FHAD1: variants seen among roughly 807,000 people sequenced by gnomAD.
FHAD1 encodes the protein forkhead associated phosphopeptide binding domain 1.
FHAD1 carries 146 observed loss-of-function variants against 191.3 expected under a neutral mutation model. The observed-to-expected ratio is 0.76, with a 90% confidence interval of 0.67 to 0.88. The LOEUF (loss-of-function observed/expected upper bound fraction) is 0.88. FHAD1 is among the 40% of genes least tolerant of loss of function. The probability of loss-of-function intolerance (pLI) is 0.00; values close to 1 mark genes in which losing one functional copy is unlikely to be tolerated. For missense variants in FHAD1, 1,635 were observed against 1,785.8 expected (o/e 0.92, Z 1.52); for synonymous variants, 616 against 672.3 (o/e 0.92, Z 1.29).
At chr1:15,268,346 T>C (rs1463564237) in intron 2 of FHAD1, among the ~76,000 whole-genome samples, 1 of 151,850 alleles carries the variant, frequency 6.6e-6, no homozygotes, top group Non-Finnish European at 1.5e-5. Flanking sequence ...TATGGCTGCA[T>C]AGTATTCAAT....
Position 15,290,774 on chromosome 1 carries a change from T to C in FHAD1, c.568+1108T>C, listed in dbSNP as rs1355337795. 2.0e-5 allele frequency among the ~76,000 whole-genome samples: 3 copies of C among 151,664 alleles called. No homozygotes were observed. In the East Asian group the frequency reaches 5.8e-4, roughly 29 times the overall value. ...TGGCAGGATTTCGGCAGTGGTGCCA[T>C]CTCAGCGCACTGCAAGCTCCGCCTT... On this transcript the variant is annotated intron_variant, in intron 4 of 33. Coordinates refer to ENST00000688493, the MANE Select transcript of FHAD1 (RefSeq NM_001391957.1).
At chr1:15,373,831 G>A (rs1352035867) in intron 26 of FHAD1, among the ~76,000 whole-genome samples, 1 of 152,180 alleles carries the variant, frequency 6.6e-6, no homozygotes, top group Non-Finnish European at 1.5e-5. Context: ...GGGCAACAGA[G>A]CAAGACCCAA....
chr1:15,275,831 C>T (rs1339049559), intron 3 of FHAD1, among the ~76,000 whole-genome samples: 1 of 152,002 alleles, frequency 6.6e-6, no homozygotes, highest in Non-Finnish European at 1.5e-5. Context: ...TGTGTCTTCC[C>T]CGCGGTAGAG....
chr1:15,391,168 GA>G (rs1488693779), intron 32 of FHAD1, 41 bp from the exon 33 acceptor site: 3 of 1,120,132 alleles, frequency 2.7e-6, no homozygotes, highest in Non-Finnish European at 3.5e-6. Flanking sequence ...AGGCAAAGAG[GA>G]ATCTAAGCTA....
chr1:15,321,630 C>A (rs1676295326), intron 10 of FHAD1, among the ~76,000 whole-genome samples: 1 of 152,176 alleles, frequency 6.6e-6, no homozygotes, highest in Non-Finnish European at 1.5e-5. Context: ...TATGTGTTTT[C>A]TACATTTCTG....
At chr1:15,382,441 A>G (rs887033409) in intron 31 of FHAD1, among the ~76,000 whole-genome samples, 1 of 152,066 alleles carries the variant, frequency 6.6e-6, no homozygotes, top group Non-Finnish European at 1.5e-5. Flanking sequence ...ATTTTTTTTA[A>G]TGGTGGTTGT....
At chr1:15,267,584 GTGCTTTCTGTTTT>G (rs1299578679) in intron 2 of FHAD1, among the ~76,000 whole-genome samples, 3 of 152,004 alleles carry the variant, frequency 2.0e-5, no homozygotes, top group Middle Eastern at 3.4e-3. Context: ...TCTGGGCCTG[GTGCTTTCTGTTTT>G]AGAAGGTTAT....
At chr1:15,247,491 C>G (rs1456878116) in intron 1 of FHAD1, 96 bp downstream of exon 1, 1 of 164,440 alleles carries the variant, frequency 6.1e-6, no homozygotes, top group Non-Finnish European at 1.4e-5. Context: ...GGGTGGCTCC[C>G]CGGCCCCATC....
intron 7 of FHAD1, among the ~76,000 whole-genome samples, chr1:15,309,101 G>A (rs1345798864): frequency 6.6e-6 from 1 of 152,218 alleles, no homozygotes; most frequent in Non-Finnish European, 1.5e-5. Flanking sequence ...CTAGAATGTG[G>A]CTAAAATGGG....
Position 15,341,804 on chromosome 1 carries a change from A to G in FHAD1, c.2046A>G (p.Ala682=). 1 of 1,551,880 alleles carries G rather than the reference A, an allele frequency of 6.4e-7. No individual in the cohort carries two copies. The highest frequency in any genetic ancestry group is 1.2e-5 in the South Asian group (1 of 84,038). Residue 682 remains alanine (A), a synonymous_variant, in exon 16 of 34, where the codon GCA becomes GCG. Coordinates refer to ENST00000688493, the MANE Select transcript of FHAD1 (RefSeq NM_001391957.1). ...LLQEKLREHL[A]EKEKLNEERL... ...AGGAAAAGCTGCGGGAGCATCTGGCAGAGAAGGAGAAGCTGAACGAGGAGA... is the reference window on the plus strand; with the variant it reads ...AGGAAAAGCTGCGGGAGCATCTGGCGGAGAAGGAGAAGCTGAACGAGGAGA...
At position 15,365,901 on chromosome 1, in the gene FHAD1, C is replaced by T; in HGVS notation, c.3122C>T (p.Thr1041Ile). 6.4e-7 allele frequency: 1 copy of T among 1,551,504 alleles called. No individual in the cohort carries two copies. Among genetic ancestry groups the T allele is most frequent in the Non-Finnish European group, 8.7e-7 (1 of 1,146,852 alleles). ...EVIMKLRKDL[T>I]EAHSRMSDLR... The stretch of plus-strand genomic sequence containing the variant: ...ATCATGAAGTTAAGGAAAGACCTTA[C>T]CGAAGCCCACAGCAGAATGTCGGAT... The change falls in exon 24 of 34, where the codon ACC becomes ATC. Residue 1041 changes from threonine to isoleucine, a missense_variant. Thr to Ile is a moderately conservative substitution (Grantham distance 89). Transcript: ENST00000688493.
At position 15,329,445 on chromosome 1, in the gene FHAD1, G is replaced by A. The variant is rs749535909; in HGVS notation, c.1810G>A (p.Val604Met). ...VSPPVSGLQK[V>M]VLDVLRHALS... is the part of the protein sequence containing the mutation. Reference sequence around the variant, plus strand: ...CCCACCTGTCTCGGGGCTCCAGAAGGTGGTGCTGGACGTCCTGAGGCACGC... The same window carrying A: ...CCCACCTGTCTCGGGGCTCCAGAAGATGGTGCTGGACGTCCTGAGGCACGC... The change falls in exon 14 of 34, where the codon GTG becomes ATG. Residue 604 changes from valine to methionine, a missense_variant. Coordinates refer to ENST00000688493, the MANE Select transcript of FHAD1 (RefSeq NM_001391957.1). This position sits in a 1 kb window ranked among gnomAD's most constrained non-coding sequence, Gnocchi z 5.0. 108 of 1,551,200 alleles carry A rather than the reference G, an allele frequency of 7.0e-5. No individual in the cohort carries two copies. Among genetic ancestry groups the A allele is most frequent in the Non-Finnish European group, 9.0e-5 (103 of 1,146,986 alleles).
intron 10 of FHAD1, among the ~76,000 whole-genome samples, chr1:15,323,507 C>T (rs11580983): frequency 0.033 from 4,997 of 152,272 alleles, 294 homozygotes; most frequent in African/African-American, 0.11. Flanking sequence ...CAGAAGAAAG[C>T]TTTACAGGTT....
At chr1:15,309,142 C>G (rs1010431831) in intron 7 of FHAD1, among the ~76,000 whole-genome samples, 1 of 152,220 alleles carries the variant, frequency 6.6e-6, no homozygotes, top group Admixed American at 6.5e-5. Flanking sequence ...AGCCTCTTAC[C>G]CATCTCACAC....
At position 15,359,778 on chromosome 1, in the gene FHAD1, A is replaced by G. The variant is rs191690059; in HGVS notation, c.2737-700A>G. 5.2e-3 allele frequency among the ~76,000 whole-genome samples: 794 copies of G among 152,032 alleles called. 7 individuals are homozygous for G. The highest frequency in any genetic ancestry group is 8.0e-3 in the Admixed American group (122 of 15,284). On this transcript the variant is annotated intron_variant, in intron 21 of 33. Transcript: ENST00000688493. ...ATCCTGGCTAACATGATGAAACCCTATCTCTACTAAAAATGCAAGAAAATA... is the reference window on the plus strand; with the variant it reads ...ATCCTGGCTAACATGATGAAACCCTGTCTCTACTAAAAATGCAAGAAAATA...
At chr1:15,286,046 AGAG>A (rs1181098200) in intron 3 of FHAD1, among the ~76,000 whole-genome samples, 1 of 152,222 alleles carries the variant, frequency 6.6e-6, no homozygotes, top group Non-Finnish European at 1.5e-5. Flanking sequence ...GGCTCTGAGG[AGAG>A]GAGAAGGGAG....
At chr1:15,270,871 C>T (rs1387174632) in intron 2 of FHAD1, among the ~76,000 whole-genome samples, 2 of 152,068 alleles carry the variant, frequency 1.3e-5, no homozygotes, top group Non-Finnish European at 2.9e-5. Flanking sequence ...GAAACCCCGT[C>T]TCTCATGCCT....
At chr1:15,328,220 C>A in intron 12 of FHAD1, 57 bp from the exon 13 acceptor site, 1 of 1,386,864 alleles carries the variant, frequency 7.2e-7, no homozygotes, top group Non-Finnish European at 9.5e-7. Context: ...CCTCAGGGCC[C>A]CCCACCCCTG....
chr1:15,301,190 C>T lies in FHAD1; in HGVS notation c.679-15C>T. On this transcript the variant is annotated splice_polypyrimidine_tract_variant and intron_variant, in intron 5 of 33. Transcript: ENST00000688493. ...GGCCCACACCTAGTAAGCCTCCCAT[C>T]TGATCTCTACCCAGGATGAAATAAT... The T allele has an allele frequency of 2.6e-6, 4 of 1,550,616 alleles. No individual in the cohort carries two copies. The Middle Eastern group carries it at 6.7e-4, about 259-fold the overall frequency.
Sources: allele counts gnomAD v4.1 joint callset (sites outside exome capture counted in the v4.1 genomes callset), GRCh38; gene constraint gnomAD v4.1.1; non-coding constraint Gnocchi (gnomAD v3.1); transcripts MANE v1.5; gene names NCBI Gene and HGNC (gene_info 2026-07-23, HGNC 2026-07-21).